PAPPA2: variants seen among roughly 807,000 people sequenced by gnomAD.
The protein encoded by PAPPA2 is pappalysin-2.
A neutral mutation model predicts 176.4 loss-of-function variants in PAPPA2; 86 were observed. The ratio of observed to expected loss-of-function variants is 0.49; its 90% CI spans 0.41 to 0.58. The LOEUF (loss-of-function observed/expected upper bound fraction) is 0.58. Ranked by LOEUF, PAPPA2 falls within the 20% of genes least tolerant of loss-of-function variation. The probability of loss-of-function intolerance (pLI) is 0.00; values close to 1 mark genes in which losing one functional copy is unlikely to be tolerated. For missense variants in PAPPA2, 2,073 were observed against 2,256.9 expected (o/e 0.92, Z 1.65); for synonymous variants, 809 against 852.2 (o/e 0.95, Z 0.88).
intron 14 of PAPPA2, among the ~76,000 whole-genome samples, chr1:176,762,606 T>C (rs193144562): frequency 6.6e-6 from 1 of 152,206 alleles, no homozygotes; most frequent in Non-Finnish European, 1.5e-5. Flanking sequence ...GAAGAGATTA[T>C]GTTTGGGACA....
chr1:176,470,903 CA>C (rs1289468118), intron 1 of PAPPA2, among the ~76,000 whole-genome samples: 3 of 151,774 alleles, frequency 2.0e-5, no homozygotes, highest in African/African-American at 7.3e-5. Context: ...TGAAAGAGAG[CA>C]AAAGCTGGCC....
Position 176,595,180 on chromosome 1 carries a change from C to A in PAPPA2, c.1576C>A (p.Arg526Ser), listed in dbSNP as rs200777009. The change falls in exon 3 of 23, where the codon CGC becomes AGC. Residue 526 changes from arginine to serine, a missense_variant. Coordinates refer to ENST00000367662, the MANE Select transcript of PAPPA2 (RefSeq NM_020318.3). The stretch of plus-strand genomic sequence containing the variant: ...GCCCCTTCGGGGAGAGAAGGTGATA[C>A]GCTACCAGGTGGTGAACATCTGTGA... ...YWPLRGEKVI[R>S]YQVVNICDDE... The A allele has an allele frequency of 1.9e-6, 3 of 1,614,054 alleles. No individual in the cohort carries two copies. Among genetic ancestry groups the A allele is most frequent in the Non-Finnish European group, 2.5e-6 (3 of 1,180,046 alleles).
chr1:176,698,735 T>A (rs981509426), intron 7 of PAPPA2, among the ~76,000 whole-genome samples: 3 of 152,160 alleles, frequency 2.0e-5, no homozygotes, highest in Non-Finnish European at 4.4e-5. Context: ...AAGCATTAAT[T>A]TATCATAAGT....
At chr1:176,841,008 T>A (rs534418500) in intron 22 of PAPPA2, among the ~76,000 whole-genome samples, 1 of 152,288 alleles carries the variant, frequency 6.6e-6, no homozygotes, top group African/African-American at 2.4e-5. Context: ...GAATACTACA[T>A]CTCTCACTCG....
chr1:176,831,377 A>G (rs1246020609), intron 21 of PAPPA2, among the ~76,000 whole-genome samples: 2 of 152,206 alleles, frequency 1.3e-5, no homozygotes, highest in African/African-American at 4.8e-5. Context: ...AAAACTTCAC[A>G]GAAGTGCTGT....
At chr1:176,812,004 G>C (rs1434222987) in intron 21 of PAPPA2, among the ~76,000 whole-genome samples, 1 of 151,784 alleles carries the variant, frequency 6.6e-6, no homozygotes, top group Non-Finnish European at 1.5e-5. Context: ...AACAACATTC[G>C]TGAGAGTTTA....
intron 14 of PAPPA2, among the ~76,000 whole-genome samples, chr1:176,758,977 G>A (rs1053126313): frequency 6.6e-6 from 1 of 152,182 alleles, no homozygotes; most frequent in African/African-American, 2.4e-5. Flanking sequence ...ATGGTTAAGA[G>A]ACTTGCCCAA....
intron 1 of PAPPA2, among the ~76,000 whole-genome samples, chr1:176,471,607 T>C (rs939759423): frequency 1.3e-5 from 2 of 152,166 alleles, no homozygotes; most frequent in Non-Finnish European, 2.9e-5. Flanking sequence ...TCCCTCCCCA[T>C]GAAAGTAATA....
intron 1 of PAPPA2, among the ~76,000 whole-genome samples, chr1:176,544,516 C>G (rs72715197): frequency 6.6e-6 from 1 of 152,076 alleles, no homozygotes; most frequent in Non-Finnish European, 1.5e-5. Context: ...TAGGAAATCC[C>G]GACTGTTTTT....
intron 21 of PAPPA2, among the ~76,000 whole-genome samples, chr1:176,818,242 A>G (rs1666488957): frequency 6.6e-6 from 1 of 152,178 alleles, no homozygotes; most frequent in Non-Finnish European, 1.5e-5. Flanking sequence ...TTGAGTAATA[A>G]TCTGATTGAG....
chr1:176,538,012 T>C (rs1650161041), intron 1 of PAPPA2, among the ~76,000 whole-genome samples: 1 of 152,040 alleles, frequency 6.6e-6, no homozygotes, highest in Non-Finnish European at 1.5e-5. Flanking sequence ...TCCCTCTCTC[T>C]CTCCTTTGAG....
At chr1:176,801,877 G>A (rs891126462) in intron 21 of PAPPA2, among the ~76,000 whole-genome samples, 9 of 152,052 alleles carry the variant, frequency 5.9e-5, no homozygotes, top group Admixed American at 2.0e-4. Flanking sequence ...GCACATCAGC[G>A]GGGTCACTTA....
chr1:176,739,719 A>T lies in PAPPA2; in HGVS notation c.3892A>T (p.Thr1298Ser). ...CGGAGAGCATCAGCAGCCGACAGTG[A>T]CTCTCTACCTGACCGATGTCCGTGG... ...VPGEHQQPTV[T>S]LYLTDVRGSN... The change falls in exon 13 of 23, where the codon ACT (threonine) becomes TCT (serine). Residue 1298 changes from threonine to serine, a missense_variant. Transcript: ENST00000367662. 2 of 1,613,600 alleles carry T rather than the reference A, an allele frequency of 1.2e-6. No individual in the cohort carries two copies. The highest frequency in any genetic ancestry group is 1.1e-5 in the South Asian group (1 of 91,068).
At chr1:176,717,990 G>T (rs1188597726) in intron 12 of PAPPA2, among the ~76,000 whole-genome samples, 1 of 151,968 alleles carries the variant, frequency 6.6e-6, no homozygotes, top group African/African-American at 2.4e-5. Flanking sequence ...TTTTGCTCCA[G>T]TTCTCAGCTC....
intron 12 of PAPPA2, among the ~76,000 whole-genome samples, chr1:176,734,083 A>T (rs1242036601): frequency 1.3e-5 from 2 of 152,160 alleles, no homozygotes; most frequent in African/African-American, 4.8e-5. Flanking sequence ...TGCCAGAGTC[A>T]TGAAAGAGGG....
chr1:176,741,066 T>G (rs1662657486), intron 14 of PAPPA2, among the ~76,000 whole-genome samples: 1 of 152,116 alleles, frequency 6.6e-6, no homozygotes, highest in Non-Finnish European at 1.5e-5. Flanking sequence ...TAGAGAGTAC[T>G]GGTGTACTAT....
chr1:176,827,600 TCTGGGAA>T (rs1666909467), intron 21 of PAPPA2, among the ~76,000 whole-genome samples: 1 of 152,178 alleles, frequency 6.6e-6, no homozygotes, highest in African/African-American at 2.4e-5. Flanking sequence ...CATTAATTAC[TCTGGGAA>T]CTGACCTTCC....
intron 3 of PAPPA2, among the ~76,000 whole-genome samples, chr1:176,625,685 G>T (rs1048019138): frequency 1.3e-5 from 2 of 152,134 alleles, no homozygotes; most frequent in African/African-American, 2.4e-5. Context: ...AATAGAGTTG[G>T]CATAATTTAC....
intron 1 of PAPPA2, among the ~76,000 whole-genome samples, chr1:176,475,857 A>G (rs1005635053): frequency 1.3e-5 from 2 of 152,100 alleles, no homozygotes; most frequent in Non-Finnish European, 2.9e-5. Context: ...GAGTGGTGAA[A>G]TGTTAGAGGG....
Sources: allele counts gnomAD v4.1 joint callset (sites outside exome capture counted in the v4.1 genomes callset), GRCh38; gene constraint gnomAD v4.1.1; transcripts MANE v1.5; gene names NCBI Gene and HGNC (gene_info 2026-07-23, HGNC 2026-07-21).